The following CNNM2 variants were observed in gnomAD, a reference collection of about 807,000 sequenced individuals.
CNNM2 encodes the protein metal transporter CNNM2.
A neutral mutation model predicts 66.9 loss-of-function variants in CNNM2; 12 were observed. That is an observed-to-expected ratio of 0.18 (90% confidence interval 0.11 to 0.29). CNNM2 has a LOEUF of 0.29. Among genes scored for constraint, CNNM2 ranks in the 10% least tolerant of loss-of-function variants. The pLI is 1.00. For missense variants in CNNM2, 705 were observed against 1,167.7 expected (o/e 0.60, Z 5.77); for synonymous variants, 557 against 501.8 (o/e 1.11, Z -1.47).
At chr10:103,013,614 T>TGTGACGCAAACA (rs1463491469) in intron 1 of CNNM2, among the ~76,000 whole-genome samples, 1 of 152,130 alleles carries the variant, frequency 6.6e-6, no homozygotes, top group African/African-American at 2.4e-5. Flanking sequence ...AGCCGAAAAC[T>TGTGACGCAAACA]GTGACGCAAA....
chr10:102,977,820 A>G (rs1019692931), intron 1 of CNNM2, among the ~76,000 whole-genome samples: 3 of 152,102 alleles, frequency 2.0e-5, no homozygotes, highest in African/African-American at 4.8e-5. Flanking sequence ...GGAAGTGAGG[A>G]AAGTAGGTGA....
intron 1 of CNNM2, among the ~76,000 whole-genome samples, chr10:102,961,112 A>G (rs1428602455): frequency 6.6e-6 from 1 of 151,782 alleles, no homozygotes; most frequent in Non-Finnish European, 1.5e-5. Context: ...TCCTGACCTC[A>G]AGTGATCCAG....
At position 103,078,527 on chromosome 10, in the gene CNNM2, A is replaced by C. The variant is rs1200090816; in HGVS notation, c.*1347A>C. On this transcript the variant is annotated 3_prime_UTR_variant, in exon 8 of 8. Coordinates refer to ENST00000369878, the MANE Select transcript of CNNM2 (RefSeq NM_017649.5). ...TTATGTGTGTCTCCGTCTTATTTTA[A>C]TACCAAATTCATCATGTAGTGAAAT... 1 of 152,240 alleles carries C rather than the reference A, an allele frequency of 6.6e-6. No homozygotes were observed. Among genetic ancestry groups the C allele is most frequent in the African/African-American group, 2.4e-5 (1 of 41,462 alleles). The allele number at this position is 152,240 out of a possible 1,614,324, so 9.4% of individuals were successfully genotyped here.
At chr10:102,978,083 G>T (rs1027813159) in intron 1 of CNNM2, among the ~76,000 whole-genome samples, 1 of 151,806 alleles carries the variant, frequency 6.6e-6, no homozygotes, top group African/African-American at 2.4e-5. Flanking sequence ...CTAACTTTTT[G>T]TATTTTTAGT....
chr10:103,077,480 C>T lies in CNNM2; in HGVS notation c.*300C>T, dbSNP rs1564874072. 1.3e-5 allele frequency: 5 copies of T among 373,174 alleles called. No individual in the cohort carries two copies. The highest frequency in any genetic ancestry group is 5.0e-5 in the South Asian group (1 of 20,062). The allele number at this position is 373,174 out of a possible 1,614,324, so 23.1% of individuals were successfully genotyped here. A position where few individuals can be genotyped will look rare whatever the true frequency, so the allele number is the denominator to read the frequency against. ...TCTCCCTTTTATCATTATTCACACT[C>T]CTCTGCCCTCGATTTGCATGAAGTT... On this transcript the variant is annotated 3_prime_UTR_variant, in exon 8 of 8. Coordinates refer to ENST00000369878, the MANE Select transcript of CNNM2 (RefSeq NM_017649.5).
chr10:102,983,152 G>A (rs549596108), intron 1 of CNNM2, among the ~76,000 whole-genome samples: 6 of 151,590 alleles, frequency 4.0e-5, no homozygotes, highest in African/African-American at 1.4e-4. Flanking sequence ...TCCCAGGATT[G>A]AAAAAAGACC....
Position 103,089,689 on chromosome 10 carries a change from C to G in CNNM2, c.*12509C>G. ...TTTCCTCCTTATTCTTCCTCCTCCT[C>G]CTCCTCTTCATCATCATCTTCGTCA... On this transcript the variant is annotated 3_prime_UTR_variant, in exon 8 of 8. Transcript: ENST00000369878. 1 of 1,607,764 alleles carries G rather than the reference C, an allele frequency of 6.2e-7. No individual in the cohort carries two copies. Among genetic ancestry groups the G allele is most frequent in the Non-Finnish European group, 8.5e-7 (1 of 1,176,896 alleles).
intron 1 of CNNM2, among the ~76,000 whole-genome samples, chr10:103,039,619 A>C (rs1045780907): frequency 2.0e-5 from 3 of 152,184 alleles, no homozygotes; most frequent in Non-Finnish European, 4.4e-5. Context: ...TGACTTGTCT[A>C]AAATACTATT....
chr10:102,918,720 G>A lies in CNNM2; in HGVS notation c.240G>A (p.Glu80=), dbSNP rs1243294239. ...EETVIIGLRL[E]DTNDVSFMEG... is the part of the protein sequence containing the mutation. ...CGGTGATCATCGGGCTGCGACTGGAGGACACGAACGACGTGTCGTTCATGG... is the reference window on the plus strand; with the variant it reads ...CGGTGATCATCGGGCTGCGACTGGAAGACACGAACGACGTGTCGTTCATGG... Residue 80 remains glutamate (E), a synonymous_variant, in exon 1 of 8, where the codon GAG becomes GAA. Coordinates refer to ENST00000369878, the MANE Select transcript of CNNM2 (RefSeq NM_017649.5). This position sits in a 1 kb window ranked among gnomAD's most constrained non-coding sequence, Gnocchi z 4.1. The A allele has an allele frequency of 1.3e-6, 2 of 1,572,422 alleles. No individual in the cohort carries two copies. The highest frequency in any genetic ancestry group is 3.8e-5 in the Admixed American group (2 of 53,290).
intron 1 of CNNM2, among the ~76,000 whole-genome samples, chr10:103,038,865 A>C (rs2064989027): frequency 6.6e-6 from 1 of 152,206 alleles, no homozygotes; most frequent in African/African-American, 2.4e-5. Context: ...GCTTCTATAT[A>C]TACACTCATG....
chr10:102,933,272 A>G (rs1398117064), intron 1 of CNNM2, among the ~76,000 whole-genome samples: 2 of 152,232 alleles, frequency 1.3e-5, no homozygotes, highest in South Asian at 4.1e-4. Flanking sequence ...CGGGGATGTC[A>G]TATCATTTAT....
rs987865731 is a variant in CNNM2 at position 103,067,096 on chromosome 10, CTT to C, written c.2074-1518_2074-1517del. The stretch of plus-strand genomic sequence containing the variant: ...TAGTTTGCATCAGGTGGCATAGCAT[CTT>C]TTTTTTTTTTTTTTCTTTGAGACAG... On this transcript the variant is annotated intron_variant, in intron 4 of 7. Transcript: ENST00000369878. 4.2e-5 allele frequency among the ~76,000 whole-genome samples: 6 copies of C among 141,538 alleles called. No individual in the cohort carries two copies. In the East Asian group the frequency reaches 8.1e-4, roughly 19 times the overall value. The allele number at this position is 141,538 out of a possible 152,430, so 92.9% of individuals were successfully genotyped here. A position where few individuals can be genotyped will look rare whatever the true frequency, so the allele number is the denominator to read the frequency against.
chr10:102,950,981 CTTTTT>C (rs34870588), intron 1 of CNNM2, among the ~76,000 whole-genome samples: 2 of 80,456 alleles, frequency 2.5e-5, no homozygotes, highest in African/African-American at 5.0e-5. Flanking sequence ...CTTTCTTTCT[CTTTTT>C]TTTTTTTTTT....
chr10:102,961,882 G>A (rs1416081358), intron 1 of CNNM2, among the ~76,000 whole-genome samples: 6 of 151,576 alleles, frequency 4.0e-5, no homozygotes, highest in Admixed American at 6.6e-5. Flanking sequence ...GCAACAAAGC[G>A]ATACTCCAAT....
chr10:102,919,227 G>A lies in CNNM2; in HGVS notation c.747G>A (p.Lys249=), dbSNP rs1230007834. ...CCAAGATGATCGTAGGCGAAGAGAA[G>A]AAGTTCCTGCTGCCCTTCTGGCTGC... The part of the protein sequence containing the change: ...EDTKMIVGEE[K]KFLLPFWLQV... Residue 249 remains lysine (K), a synonymous_variant, in exon 1 of 8, where the codon AAG becomes AAA. Coordinates refer to ENST00000369878, the MANE Select transcript of CNNM2 (RefSeq NM_017649.5). 3.7e-6 allele frequency: 6 copies of A among 1,613,258 alleles called. No homozygotes were observed. Among genetic ancestry groups the A allele is most frequent in the Non-Finnish European group, 1.7e-6 (2 of 1,180,052 alleles).
chr10:102,957,707 ATC>A (rs1434719246), intron 1 of CNNM2, among the ~76,000 whole-genome samples: 1 of 152,198 alleles, frequency 6.6e-6, no homozygotes, highest in African/African-American at 2.4e-5. Context: ...GGAGAGAACC[ATC>A]TTTTTAAGAC....
chr10:103,001,169 T>A (rs1450800588), intron 1 of CNNM2, among the ~76,000 whole-genome samples: 1 of 152,138 alleles, frequency 6.6e-6, no homozygotes, highest in Non-Finnish European at 1.5e-5. Flanking sequence ...AGGGTGGTTG[T>A]CAGGGGCTGT....
chr10:103,054,127 T>A lies in CNNM2; in HGVS notation c.1766-202T>A, dbSNP rs2065258864. Among the ~76,000 whole-genome samples the A allele has an allele frequency of 6.6e-6, 1 of 152,220 alleles. No homozygotes were observed. The highest frequency in any genetic ancestry group is 1.5e-5 in the Non-Finnish European group (1 of 68,040). Reference sequence around the variant, plus strand: ...CTGCCTGCGGTCACTCGCTGCGGACTGCGTGGTGCCCAGGCCGCCGTGCTG... The same window carrying A: ...CTGCCTGCGGTCACTCGCTGCGGACAGCGTGGTGCCCAGGCCGCCGTGCTG... On this transcript the variant is annotated intron_variant, in intron 2 of 7. Transcript: ENST00000369878. The surrounding 1 kb of genome is among the most constrained non-coding windows in gnomAD (Gnocchi z 5.2).
At chr10:102,935,631 G>T (rs1846210103) in intron 1 of CNNM2, among the ~76,000 whole-genome samples, 1 of 140,852 alleles carries the variant, frequency 7.1e-6, no homozygotes. Context: ...TTTTGAGACA[G>T]GGTCTTGCTC....
Sources: gnomAD v4.1 joint callset for allele counts (sites outside exome capture counted in the v4.1 genomes callset) on GRCh38, gnomAD v4.1.1 for gene constraint, Gnocchi (gnomAD v3.1) non-coding constraint, MANE v1.5 for transcripts, NCBI Gene and HGNC (gene_info 2026-07-23, HGNC 2026-07-21) for gene names.